The following PATJ variants were observed in gnomAD, a reference collection of about 807,000 sequenced individuals.
The protein encoded by PATJ is PATJ crumbs cell polarity complex component.
A neutral mutation model predicts 224.9 loss-of-function variants in PATJ; 190 were observed. The observed-to-expected ratio is 0.84, with a 90% CI of 0.75 to 0.95. PATJ has a LOEUF of 0.95. Ranked by LOEUF, PATJ falls within the 40% of genes least tolerant of loss-of-function variation. The pLI is 0.00. For missense variants in PATJ, 2,121 were observed against 2,270.3 expected (o/e 0.93, Z 1.34); for synonymous variants, 769 against 820.3 (o/e 0.94, Z 1.07).
chr1:62,039,265 C>T (rs1017141350), intron 30 of PATJ, among the ~76,000 whole-genome samples: 2 of 152,118 alleles, frequency 1.3e-5, no homozygotes, highest in Non-Finnish European at 2.9e-5. Context: ...TGCTTTTTAA[C>T]ATTATGGACT....
chr1:61,968,538 T>C (rs1261302375), intron 27 of PATJ, among the ~76,000 whole-genome samples: 1 of 152,192 alleles, frequency 6.6e-6, no homozygotes. Flanking sequence ...CTTCCCAAAC[T>C]GAAATTCTTT....
At chr1:62,077,072 G>C (rs1186994604) in intron 31 of PATJ, among the ~76,000 whole-genome samples, 1 of 152,124 alleles carries the variant, frequency 6.6e-6, no homozygotes, top group Admixed American at 6.5e-5. Context: ...CCATTCTTTA[G>C]TTTAAGAGGG....
chr1:61,822,262 A>G (rs1657422050), intron 14 of PATJ, among the ~76,000 whole-genome samples: 1 of 152,062 alleles, frequency 6.6e-6, no homozygotes, highest in Admixed American at 6.6e-5. Flanking sequence ...TCTACTAAAA[A>G]TACAAAAAAA....
intron 28 of PATJ, among the ~76,000 whole-genome samples, chr1:62,011,959 T>A (rs1646474997): frequency 6.6e-6 from 1 of 151,540 alleles, no homozygotes; most frequent in Non-Finnish European, 1.5e-5. Flanking sequence ...CCCAGGAGAT[T>A]GAGGCTGTAG....
intron 34 of PATJ, among the ~76,000 whole-genome samples, chr1:62,108,721 A>G (rs17123080): frequency 0.013 from 1,954 of 152,302 alleles, 43 homozygotes; most frequent in African/African-American, 0.045. Context: ...ACATTTGTCT[A>G]TGAAAACTTT....
At chr1:61,880,946 T>C (rs1183121206) in intron 21 of PATJ, among the ~76,000 whole-genome samples, 1 of 152,020 alleles carries the variant, frequency 6.6e-6, no homozygotes, top group Non-Finnish European at 1.5e-5. Flanking sequence ...ATACAAAAAT[T>C]AGCCGGGCAT....
At chr1:62,052,908 A>G (rs544384367) in intron 31 of PATJ, among the ~76,000 whole-genome samples, 1 of 152,328 alleles carries the variant, frequency 6.6e-6, no homozygotes, top group African/African-American at 2.4e-5. Context: ...GTTTGGCACT[A>G]TATCTCCATA....
At chr1:61,783,737 A>G (rs1557637861) in intron 7 of PATJ, among the ~76,000 whole-genome samples, 1 of 132,998 alleles carries the variant, frequency 7.5e-6, no homozygotes, top group Admixed American at 8.7e-5. Flanking sequence ...TTTAGCCCAG[A>G]GTTGCTACTT....
intron 28 of PATJ, among the ~76,000 whole-genome samples, chr1:62,017,408 C>T (rs540428037): frequency 1.0e-4 from 11 of 105,534 alleles, no homozygotes; most frequent in South Asian, 3.6e-4. Flanking sequence ...AGCGAGACTC[C>T]GCCTCAAAAA....
chr1:62,054,180 C>G (rs1654144729), intron 31 of PATJ: 1 of 199,068 alleles, frequency 5.0e-6, no homozygotes, highest in African/African-American at 2.3e-5. Context: ...ATTGTGGGCC[C>G]CATTTTTATT....
chr1:61,864,576 C>T lies in PATJ; in HGVS notation c.2778C>T (p.Thr926=), dbSNP rs1161786399. Residue 926 remains threonine (T), a synonymous_variant, in exon 20 of 44, where the codon ACC becomes ACT. Coordinates refer to ENST00000642238, the MANE Select transcript of PATJ (RefSeq NM_001350145.3). ...CATCCGAGTCTCAAGAGGCAAGAAC[C>T]GGGAGGACTGTCTATTCCCAGGAGG... is the stretch of plus-strand genomic sequence containing the variant. ...NEPSESQEAR[T]GRTVYSQEAQ... 4.3e-6 allele frequency: 7 copies of T among 1,610,688 alleles called. No homozygotes were observed. The highest frequency in any genetic ancestry group is 2.7e-5 in the African/African-American group (2 of 74,916).
At chr1:61,979,846 T>C (rs1347345267) in intron 27 of PATJ, among the ~76,000 whole-genome samples, 1 of 151,958 alleles carries the variant, frequency 6.6e-6, no homozygotes, top group Non-Finnish European at 1.5e-5. Context: ...GGTAACGAAC[T>C]AGGAGGAACT....
At chr1:61,828,389 A>C (rs956803565) in intron 16 of PATJ, among the ~76,000 whole-genome samples, 1 of 143,922 alleles carries the variant, frequency 6.9e-6, no homozygotes, top group Non-Finnish European at 1.5e-5. Context: ...GAGCACTGTT[A>C]CTATGAAAAG....
Position 62,017,960 on chromosome 1 carries a change from G to C in PATJ, c.3959+13G>C. The C allele has an allele frequency of 6.5e-7, 1 of 1,535,260 alleles. No individual in the cohort carries two copies. Among genetic ancestry groups the C allele is most frequent in the Non-Finnish European group, 9.0e-7 (1 of 1,108,042 alleles). On this transcript the variant is annotated intron_variant, in intron 29 of 43. Transcript: ENST00000642238. ...TGGTTTTCATCAGGTAAGATTGCTA[G>C]ATCTGGTTTTGCAAAATCAAAGACC...
intron 26 of PATJ, among the ~76,000 whole-genome samples, chr1:61,923,317 G>A (rs1405958771): frequency 6.6e-6 from 1 of 152,094 alleles, no homozygotes; most frequent in Non-Finnish European, 1.5e-5. Context: ...ATGACAAGGC[G>A]CCTTCACCAT....
intron 14 of PATJ, among the ~76,000 whole-genome samples, chr1:61,818,807 T>A (rs1570693444): frequency 6.6e-6 from 1 of 152,074 alleles, no homozygotes; most frequent in Non-Finnish European, 1.5e-5. Context: ...ATGACATGGG[T>A]GAGCCTCTGC....
At chr1:62,062,918 G>A (rs1655804547) in intron 31 of PATJ, among the ~76,000 whole-genome samples, 4 of 152,064 alleles carry the variant, frequency 2.6e-5, no homozygotes, top group Admixed American at 2.6e-4. Flanking sequence ...GACCTTTGTT[G>A]GATGTGTAGT....
At chr1:62,019,492 C>A (rs537786157) in intron 29 of PATJ, among the ~76,000 whole-genome samples, 1 of 151,792 alleles carries the variant, frequency 6.6e-6, no homozygotes, top group African/African-American at 2.4e-5. Flanking sequence ...GCACTCCCAC[C>A]TGGTTGACAA....
In PATJ at chr1:62,158,129, A is replaced by G. The variant is rs1228633926; in HGVS notation, c.5503-2779A>G. Among the ~76,000 whole-genome samples the G allele has an allele frequency of 2.7e-5, 4 of 149,666 alleles. 1 individual carries two copies. Among genetic ancestry groups the G allele is most frequent in the Non-Finnish European group, 5.9e-5 (4 of 67,262 alleles). On this transcript the variant is annotated intron_variant, in intron 43 of 43. Transcript: ENST00000642238. The stretch of plus-strand genomic sequence containing the variant: ...CCATTTTACGGCATCTGAGAAGACT[A>G]AGTGACCAACTTGGGACAAATAGCA...
Sources: allele counts gnomAD v4.1 joint callset (sites outside exome capture counted in the v4.1 genomes callset), GRCh38; gene constraint gnomAD v4.1.1; transcripts MANE v1.5; gene names NCBI Gene and HGNC (gene_info 2026-07-23, HGNC 2026-07-21).